PHACTR2: variants seen among roughly 807,000 people sequenced by gnomAD.
PHACTR2 encodes chromosome 6 open reading frame 56.
A neutral mutation model predicts 76.0 loss-of-function variants in PHACTR2; 30 were observed. The observed-to-expected ratio is 0.39, with a 90% confidence interval of 0.30 to 0.54. The LOEUF is 0.54. PHACTR2 is among the 20% of genes least tolerant of loss of function. The probability of loss-of-function intolerance (pLI) is 0.61; values close to 1 mark genes in which losing one functional copy is unlikely to be tolerated. For missense variants in PHACTR2, 696 were observed against 781.1 expected (o/e 0.89, Z 1.30); for synonymous variants, 292 against 292.5 (o/e 1.00, Z 0.02).
chr6:143,686,942 C>T (rs957986054), intron 1 of PHACTR2, among the ~76,000 whole-genome samples: 2 of 152,188 alleles, frequency 1.3e-5, no homozygotes, highest in Admixed American at 6.5e-5. Flanking sequence ...TCTCCAGCTG[C>T]GTGGATTCTG....
At chr6:143,744,306 A>T (rs1192744411) in intron 2 of PHACTR2, among the ~76,000 whole-genome samples, 2 of 152,240 alleles carry the variant, frequency 1.3e-5, no homozygotes, top group African/African-American at 2.4e-5. Context: ...GGGCAGAAAC[A>T]ATACCATTCT....
intron 12 of PHACTR2, among the ~76,000 whole-genome samples, chr6:143,813,289 G>A (rs569893787): frequency 6.6e-6 from 1 of 152,198 alleles, no homozygotes; most frequent in East Asian, 1.9e-4. Flanking sequence ...GGAAAGTCAG[G>A]ATATTGACTA....
At chr6:143,726,993 A>C (rs528112965) in intron 2 of PHACTR2, among the ~76,000 whole-genome samples, 1 of 152,162 alleles carries the variant, frequency 6.6e-6, no homozygotes, top group Non-Finnish European at 1.5e-5. Flanking sequence ...TATACAATAC[A>C]TTGTTGCAAT....
chr6:143,577,530 C>G (rs1486089459), intron 1 of PHACTR2, among the ~76,000 whole-genome samples: 1 of 152,122 alleles, frequency 6.6e-6, no homozygotes, highest in East Asian at 1.9e-4. Flanking sequence ...ATGTGATGAG[C>G]AGAGGCATTG....
intron 2 of PHACTR2, among the ~76,000 whole-genome samples, chr6:143,748,692 C>T (rs1779121565): frequency 6.6e-6 from 1 of 152,206 alleles, no homozygotes; most frequent in African/African-American, 2.4e-5. Context: ...GCGTGAGAAG[C>T]AGGCTTTATG....
intron 7 of PHACTR2, among the ~76,000 whole-genome samples, 198 bp from the exon 8 acceptor site, chr6:143,773,861 G>C (rs1775209622): frequency 6.6e-6 from 1 of 152,102 alleles, no homozygotes. Flanking sequence ...ACATTAAAAA[G>C]AAATAGCGCT....
rs1232354160 is a variant in PHACTR2, at chr6:143,775,468, C to A, written c.1589+1253C>A. Among the ~76,000 whole-genome samples the A allele has an allele frequency of 6.6e-6, 1 of 152,118 alleles. No homozygotes were observed. The highest frequency in any genetic ancestry group is 1.5e-5 in the Non-Finnish European group (1 of 68,028). On this transcript the variant is annotated intron_variant, in intron 8 of 12. Coordinates refer to ENST00000440869, the MANE Select transcript of PHACTR2 (RefSeq NM_001100164.2). The surrounding 1 kb of genome is among the most constrained non-coding windows in gnomAD (Gnocchi z 4.4). ...GAAAAACCTACAGTTCTAAACTTGC[C>A]ATCTTACCAAGGAAAAACAAGGGGC...
At position 143,689,063 on chromosome 6, in the gene PHACTR2, T is replaced by A. The variant is rs1432585791; in HGVS notation, c.46+10854T>A. The stretch of plus-strand genomic sequence containing the variant: ...AACAAGCCTGGATCAGTCCCACCCA[T>A]GGACCTTGGCCGTTGCTGCACCCTG... On this transcript the variant is annotated intron_variant, in intron 1 of 12. Transcript: ENST00000440869. The surrounding 1 kb of genome is among the most constrained non-coding windows in gnomAD (Gnocchi z 4.4). 6.6e-6 allele frequency among the ~76,000 whole-genome samples: 1 copy of A among 152,152 alleles called. No homozygotes were observed. Among genetic ancestry groups the A allele is most frequent in the Admixed American group, 6.5e-5 (1 of 15,274 alleles).
At position 143,700,059 on chromosome 6, in the gene PHACTR2, G is replaced by T. The variant is rs1582785575; in HGVS notation, c.47-11957G>T. Among the ~76,000 whole-genome samples, 1 of 152,282 alleles carries T rather than the reference G, an allele frequency of 6.6e-6. No individual in the cohort carries two copies. Among genetic ancestry groups the T allele is most frequent in the Non-Finnish European group, 1.5e-5 (1 of 68,018 alleles). ...CCGGCCTTGGGGACCCTGTATGACTGCCAGGAGGCTCTTGGACATAGAGAG... is the reference window on the plus strand; with the variant it reads ...CCGGCCTTGGGGACCCTGTATGACTTCCAGGAGGCTCTTGGACATAGAGAG... On this transcript the variant is annotated intron_variant, in intron 1 of 12. Transcript: ENST00000440869. This position sits in a 1 kb window ranked among gnomAD's most constrained non-coding sequence, Gnocchi z 4.1.
At position 143,549,831 on chromosome 6, in the gene PHACTR2, T is replaced by C. The variant is rs1038803352; in HGVS notation, c.217+12624T>C. Among the ~76,000 whole-genome samples the C allele has an allele frequency of 4.6e-5, 7 of 151,618 alleles. No individual in the cohort carries two copies. Among genetic ancestry groups the C allele is most frequent in the African/African-American group, 1.5e-4 (6 of 41,296 alleles). On this transcript the variant is annotated intron_variant, in intron 1 of 11. Transcript: ENST00000367584. This position sits in a 1 kb window ranked among gnomAD's most constrained non-coding sequence, Gnocchi z 4.2. Reference sequence around the variant, plus strand: ...GTCATGCTTAGGAGTGGGGGTGGGGTGTCTCGGTATGATTCAGCCGGTCCC... The same window carrying C: ...GTCATGCTTAGGAGTGGGGGTGGGGCGTCTCGGTATGATTCAGCCGGTCCC...
At position 143,599,462 on chromosome 6, in the gene PHACTR2, A is replaced by G. The variant is rs1005547002; in HGVS notation, c.217+62255A>G. Among the ~76,000 whole-genome samples the G allele has an allele frequency of 6.6e-6, 1 of 152,224 alleles. No homozygotes were observed. The highest frequency in any genetic ancestry group is 6.5e-5 in the Admixed American group (1 of 15,284). ...TAGAAACAATTGTTGAGTACTCAGT[A>G]GTGTTCTGGGAGCTACGAGGAAGAC... On this transcript the variant is annotated intron_variant, in intron 1 of 11. Coordinates refer to the PHACTR2 transcript ENST00000367584. The surrounding 1 kb of genome is among the most constrained non-coding windows in gnomAD (Gnocchi z 4.6).
chr6:143,632,990 T>G (rs1776391368), intron 1 of PHACTR2, among the ~76,000 whole-genome samples: 1 of 152,348 alleles, frequency 6.6e-6, no homozygotes, highest in African/African-American at 2.4e-5. Context: ...ATACCACATT[T>G]TATTTATCCA....
At position 143,546,494 on chromosome 6, in the gene PHACTR2, TTAGTC is replaced by T. The variant is rs1774999372; in HGVS notation, c.217+9288_217+9292del. Among the ~76,000 whole-genome samples the T allele has an allele frequency of 6.6e-6, 1 of 152,192 alleles. No homozygotes were observed. Among genetic ancestry groups the T allele is most frequent in the Admixed American group, 6.5e-5 (1 of 15,272 alleles). ...CATGTGACATAATAATTAATGGTCA[TTAGTC>T]AGGTCATCAATGTTGATTTATGATC... On this transcript the variant is annotated intron_variant, in intron 1 of 11. Transcript: ENST00000367584. The surrounding 1 kb of genome is among the most constrained non-coding windows in gnomAD (Gnocchi z 4.9).
In PHACTR2 at chr6:143,583,305, G is replaced by T. The variant is rs564966842; in HGVS notation, c.217+46098G>T. 6.6e-6 allele frequency among the ~76,000 whole-genome samples: 1 copy of T among 152,186 alleles called. No individual in the cohort carries two copies. Among genetic ancestry groups the T allele is most frequent in the East Asian group, 1.9e-4 (1 of 5,194 alleles). On this transcript the variant is annotated intron_variant, in intron 1 of 11. Coordinates refer to the PHACTR2 transcript ENST00000367584. This position sits in a 1 kb window ranked among gnomAD's most constrained non-coding sequence, Gnocchi z 4.0. The stretch of plus-strand genomic sequence containing the variant: ...AAAGCACTTATACCATGTGAGAATG[G>T]GTTACAGAAACACATGCTAGCAGCA...
At chr6:143,785,003 C>T (rs371565707) in intron 10 of PHACTR2, among the ~76,000 whole-genome samples, 20 of 152,184 alleles carry the variant, frequency 1.3e-4, no homozygotes, top group African/African-American at 3.9e-4. Flanking sequence ...TCATTCTGCC[C>T]CTGGCCCCTC....
chr6:143,677,355 T>C (rs956947741), upstream of PHACTR2, among the ~76,000 whole-genome samples: 2 of 152,226 alleles, frequency 1.3e-5, no homozygotes, highest in African/African-American at 4.8e-5. Flanking sequence ...TTAATTCACC[T>C]TTCAAGTTTG....
At chr6:143,587,957 G>A (rs1238789788) in intron 1 of PHACTR2, among the ~76,000 whole-genome samples, 1 of 151,856 alleles carries the variant, frequency 6.6e-6, no homozygotes, top group Non-Finnish European at 1.5e-5. Flanking sequence ...TGGTTGCAGT[G>A]AGCTGAGATC....
In PHACTR2 at chr6:143,550,074, G is replaced by T. The variant is rs1452186534; in HGVS notation, c.217+12867G>T. 6.6e-6 allele frequency among the ~76,000 whole-genome samples: 1 copy of T among 152,032 alleles called. No homozygotes were observed. The highest frequency in any genetic ancestry group is 2.4e-5 in the African/African-American group (1 of 41,430). The stretch of plus-strand genomic sequence containing the variant: ...CATCAGTGGACTACTCAAATCAAAC[G>T]TAATGGCCTGCTGACCAGAGCTCCC... On this transcript the variant is annotated intron_variant, in intron 1 of 11. Transcript: ENST00000367584. This position sits in a 1 kb window ranked among gnomAD's most constrained non-coding sequence, Gnocchi z 4.8.
In PHACTR2 at chr6:143,730,895, G is replaced by A. The variant is rs1361221533; in HGVS notation, c.215-18090G>A. Among the ~76,000 whole-genome samples, 3 of 152,018 alleles carry A rather than the reference G, an allele frequency of 2.0e-5. No homozygotes were observed. The highest frequency in any genetic ancestry group is 2.1e-4 in the South Asian group (1 of 4,826). On this transcript the variant is annotated intron_variant, in intron 2 of 12. Transcript: ENST00000440869. This position sits in a 1 kb window ranked among gnomAD's most constrained non-coding sequence, Gnocchi z 4.8. The stretch of plus-strand genomic sequence containing the variant: ...CCTGAGTAGCTGGGACTACAGGCAC[G>A]TGCCACTGCACCTGGCTAATTTTTG...
Sources: allele counts gnomAD v4.1 joint callset (sites outside exome capture counted in the v4.1 genomes callset), GRCh38; gene constraint gnomAD v4.1.1; non-coding constraint Gnocchi (gnomAD v3.1); transcripts MANE v1.5; gene names NCBI Gene and HGNC (gene_info 2026-07-23, HGNC 2026-07-21).